The following CNTNAP4 variants were observed in gnomAD, a reference collection of about 807,000 sequenced individuals.
The protein encoded by CNTNAP4 is contactin-associated protein-like 4.
In CNTNAP4, 98 loss-of-function variants were observed where a neutral mutation model predicts 148.4. That is an observed-to-expected ratio of 0.66 (90% CI 0.56 to 0.78). The LOEUF is 0.78. CNTNAP4 is among the 30% of genes least tolerant of loss of function. The pLI, the probability that CNTNAP4 is intolerant of heterozygous loss-of-function variation, is 0.00. For synonymous variants in CNTNAP4, 730 were observed against 565.1 expected (o/e 1.29, Z -4.14); for missense variants, 1,935 against 1,565.6 (o/e 1.24, Z -3.98).
chr16:76,515,990 A>T, intron 15 of CNTNAP4, among the ~76,000 whole-genome samples: 1 of 152,178 alleles, frequency 6.6e-6, no homozygotes, highest in East Asian at 1.9e-4. Context: ...TTTGTCACAT[A>T]GGTGTGTATG....
chr16:76,452,730 C>G lies in CNTNAP4; in HGVS notation c.1294C>G (p.Leu432Val), dbSNP rs1235337521. 6.2e-6 allele frequency: 10 copies of G among 1,603,876 alleles called. No homozygotes were observed. Among genetic ancestry groups the G allele is most frequent in the African/African-American group, 1.3e-5 (1 of 74,478 alleles). ...FLSDGKLKSN[L>V]YQPGKLPSDI... ...GAGTGATGGAAAACTTAAGTCGAAT[C>G]TCTACCAGCCAGGAAAATTACCCAG... Residue 432 changes from leucine (L) to valine (V), a missense_variant, in exon 8 of 24, where the codon CTC becomes GTC. Coordinates refer to ENST00000611870, the MANE Select transcript of CNTNAP4 (RefSeq NM_033401.5).
intron 10 of CNTNAP4, among the ~76,000 whole-genome samples, chr16:76,473,606 T>C (rs2081448135): frequency 6.6e-6 from 1 of 152,050 alleles, no homozygotes; most frequent in Non-Finnish European, 1.5e-5. Flanking sequence ...GCCCCGTCTC[T>C]ACTAAAAAAT....
At chr16:76,303,187 T>A (rs990689301) in intron 1 of CNTNAP4, among the ~76,000 whole-genome samples, 1 of 152,202 alleles carries the variant, frequency 6.6e-6, no homozygotes, top group Non-Finnish European at 1.5e-5. Context: ...AAGCTTATTG[T>A]TTCTAGTTGG....
chr16:76,339,060 A>T (rs1964253414), intron 2 of CNTNAP4, among the ~76,000 whole-genome samples: 2 of 152,196 alleles, frequency 1.3e-5, no homozygotes, highest in Non-Finnish European at 2.9e-5. Flanking sequence ...CCTTCGACAC[A>T]GTAGTTTCTG....
intron 3 of CNTNAP4, among the ~76,000 whole-genome samples, chr16:76,394,939 T>G (rs2078145294): frequency 6.6e-6 from 1 of 152,090 alleles, no homozygotes; most frequent in South Asian, 2.1e-4. Flanking sequence ...GACTCCTCTT[T>G]TACCACCGTG....
intron 8 of CNTNAP4, among the ~76,000 whole-genome samples, chr16:76,454,767 G>A (rs537332278): frequency 1.6e-4 from 25 of 152,090 alleles, no homozygotes; most frequent in Non-Finnish European, 3.7e-4. Context: ...CAGTTGTCAG[G>A]ATGTATTATA....
intron 4 of CNTNAP4, among the ~76,000 whole-genome samples, chr16:76,430,988 A>G (rs922473960): frequency 2.0e-5 from 3 of 152,210 alleles, no homozygotes; most frequent in Non-Finnish European, 4.4e-5. Flanking sequence ...TTCTAAAGTC[A>G]TAAATATTTT....
chr16:76,499,522 T>C (rs9924789), intron 15 of CNTNAP4, among the ~76,000 whole-genome samples: 122,008 of 151,336 alleles, frequency 0.81, 50,471 homozygotes, highest in East Asian at 0.96. Context: ...GCTAATTTTC[T>C]AGATAAAACT....
chr16:76,480,391 T>G (rs72799012), intron 12 of CNTNAP4, among the ~76,000 whole-genome samples: 6,641 of 152,228 alleles, frequency 0.044, 332 homozygotes, highest in African/African-American at 0.12. Flanking sequence ...TAATGAAAGA[T>G]GTACAAGGTT....
At chr16:76,301,824 G>A (rs1960001081) in intron 1 of CNTNAP4, among the ~76,000 whole-genome samples, 1 of 152,142 alleles carries the variant, frequency 6.6e-6, no homozygotes, top group African/African-American at 2.4e-5. Context: ...GCATGGGGAA[G>A]GTGATTGGCA....
chr16:76,319,254 T>A (rs1962150145), intron 2 of CNTNAP4, among the ~76,000 whole-genome samples: 2 of 152,036 alleles, frequency 1.3e-5, no homozygotes, highest in South Asian at 4.2e-4. Context: ...TAGCCAGGCA[T>A]GGTGGTGTAC....
At chr16:76,312,610 C>T (rs1484395083) in intron 1 of CNTNAP4, among the ~76,000 whole-genome samples, 2 of 152,118 alleles carry the variant, frequency 1.3e-5, no homozygotes, top group African/African-American at 4.8e-5. Context: ...AACTGGAGTA[C>T]ACACTCCTTG....
chr16:76,279,440 A>G (rs1338594852), intron 1 of CNTNAP4, among the ~76,000 whole-genome samples: 1 of 152,216 alleles, frequency 6.6e-6, no homozygotes, highest in Non-Finnish European at 1.5e-5. Flanking sequence ...TTCTTTTGCC[A>G]TATATCTTCT....
intron 2 of CNTNAP4, among the ~76,000 whole-genome samples, chr16:76,334,318 G>T (rs1229968560): frequency 1.3e-5 from 2 of 151,912 alleles, no homozygotes; most frequent in African/African-American, 4.8e-5. Context: ...AAGCCAAAAT[G>T]AAACAAAAGC....
At chr16:76,544,180 T>G (rs1849474872) in intron 21 of CNTNAP4, among the ~76,000 whole-genome samples, 2 of 152,102 alleles carry the variant, frequency 1.3e-5, no homozygotes, top group African/African-American at 4.8e-5. Context: ...TCTGGATATT[T>G]CTTCTAAGGG....
intron 3 of CNTNAP4, among the ~76,000 whole-genome samples, chr16:76,368,628 C>T (rs907259521): frequency 6.6e-6 from 1 of 151,902 alleles, no homozygotes; most frequent in African/African-American, 2.4e-5. Flanking sequence ...ACAATGAGAA[C>T]ATATGGGCAC....
rs766721424 is a variant in CNTNAP4, at chr16:76,539,858, G to C, written c.3354+6G>C. The stretch of plus-strand genomic sequence containing the variant: ...AAGGAGTGGTCTTTATAGAGGTAAT[G>C]TAGTAAATTCAGCAGAAGCAATCAT... On this transcript the variant is annotated splice_donor_region_variant and intron_variant, in intron 20 of 23. Transcript: ENST00000611870. 6.4e-7 allele frequency: 1 copy of C among 1,562,338 alleles called. No homozygotes were observed. Among genetic ancestry groups the C allele is most frequent in the Non-Finnish European group, 8.6e-7 (1 of 1,161,410 alleles).
intron 2 of CNTNAP4, among the ~76,000 whole-genome samples, chr16:76,350,981 G>A (rs2011654428): frequency 6.6e-6 from 1 of 152,074 alleles, no homozygotes; most frequent in African/African-American, 2.4e-5. Flanking sequence ...AACTGGTGGG[G>A]GCAAGACTCT....
chr16:76,351,025 A>G lies in CNTNAP4; in HGVS notation c.197-4293A>G, dbSNP rs149886235. ...TTTTGTGCGTAAATTATCATTAACC[A>G]TGGAAGAGATGGGGTTGAGAAAAGA... On this transcript the variant is annotated intron_variant, in intron 2 of 23. Coordinates refer to ENST00000611870, the MANE Select transcript of CNTNAP4 (RefSeq NM_033401.5). Among the ~76,000 whole-genome samples the G allele has an allele frequency of 2.2e-3, 331 of 152,288 alleles. 1 individual carries two copies. Among genetic ancestry groups the G allele is most frequent in the African/African-American group, 7.3e-3 (302 of 41,558 alleles).
Sources: gnomAD v4.1 joint callset for allele counts (sites outside exome capture counted in the v4.1 genomes callset) on GRCh38, gnomAD v4.1.1 for gene constraint, MANE v1.5 for transcripts, NCBI Gene and HGNC (gene_info 2026-07-23, HGNC 2026-07-21) for gene names.